SLIT2: variants seen among roughly 807,000 people sequenced by gnomAD.
The protein encoded by SLIT2 is slit guidance ligand 2.
A neutral mutation model predicts 185.7 loss-of-function variants in SLIT2; 41 were observed. The ratio of observed to expected loss-of-function variants is 0.22; its 90% CI spans 0.17 to 0.29. SLIT2 has a LOEUF of 0.29. SLIT2 is among the 10% of genes least tolerant of loss of function. The probability of loss-of-function intolerance (pLI) is 1.00; values close to 1 mark genes in which losing one functional copy is unlikely to be tolerated. For missense variants in SLIT2, 1,571 were observed against 1,909.0 expected (o/e 0.82, Z 3.30); for synonymous variants, 693 against 680.2 (o/e 1.02, Z -0.29).
chr4:20,379,654 A>G (rs1007284005), intron 4 of SLIT2, among the ~76,000 whole-genome samples: 2 of 152,200 alleles, frequency 1.3e-5, no homozygotes, highest in African/African-American at 2.4e-5. Context: ...CAGCTGCATT[A>G]GAATGACAGG....
chr4:20,382,026 G>A (rs1282034665), intron 4 of SLIT2, among the ~76,000 whole-genome samples: 1 of 151,860 alleles, frequency 6.6e-6, no homozygotes, highest in African/African-American at 2.4e-5. Context: ...AATAAAAAAT[G>A]TGATACATCA....
At chr4:20,449,754 A>G (rs1488349399) in intron 4 of SLIT2, among the ~76,000 whole-genome samples, 1 of 152,182 alleles carries the variant, frequency 6.6e-6, no homozygotes, top group African/African-American at 2.4e-5. Context: ...ATAGAACATC[A>G]ACAGTATAAG....
intron 4 of SLIT2, among the ~76,000 whole-genome samples, chr4:20,395,522 T>G (rs1725820443): frequency 6.6e-6 from 1 of 151,984 alleles, no homozygotes; most frequent in African/African-American, 2.4e-5. Flanking sequence ...TTTTGAAGAG[T>G]GTTCCAGCAA....
Position 20,480,800 on chromosome 4 carries a change from AT to A in SLIT2, c.539+16del. 1 of 1,595,778 alleles carries A rather than the reference AT, an allele frequency of 6.3e-7. No individual in the cohort carries two copies. The highest frequency in any genetic ancestry group is 8.6e-7 in the Non-Finnish European group (1 of 1,163,288). On this transcript the variant is annotated intron_variant, in intron 6 of 36. Coordinates refer to ENST00000504154, the MANE Select transcript of SLIT2 (RefSeq NM_004787.4). ...ACCTGGAAGTGCTGTAAGTACTGCT[AT>A]TTCTCTTGCTCTTTTAACGGGGGCT...
intron 4 of SLIT2, among the ~76,000 whole-genome samples, chr4:20,376,285 G>T (rs942689252): frequency 2.0e-4 from 31 of 151,708 alleles, no homozygotes; most frequent in Admixed American, 2.6e-4. Flanking sequence ...AATGAAAAAG[G>T]CAAATGACAT....
chr4:20,388,718 G>A (rs1340732882), intron 4 of SLIT2, among the ~76,000 whole-genome samples: 2 of 150,220 alleles, frequency 1.3e-5, no homozygotes, highest in Non-Finnish European at 3.0e-5. Flanking sequence ...AGGTTGCACT[G>A]AGTGGAGATC....
intron 5 of SLIT2, among the ~76,000 whole-genome samples, chr4:20,468,282 A>T (rs1320961495): frequency 6.6e-6 from 1 of 152,090 alleles, no homozygotes; most frequent in African/African-American, 2.4e-5. Context: ...GAAATAGTAG[A>T]TAATATTTTC....
chr4:20,511,483 G>T (rs888286417), intron 11 of SLIT2, among the ~76,000 whole-genome samples: 1 of 141,902 alleles, frequency 7.0e-6, no homozygotes, highest in Non-Finnish European at 1.5e-5. Context: ...GTGCAGTGGC[G>T]CCATCTCGGC....
intron 4 of SLIT2, among the ~76,000 whole-genome samples, chr4:20,455,305 G>C (rs938971388): frequency 1.3e-5 from 2 of 152,120 alleles, no homozygotes; most frequent in Non-Finnish European, 1.5e-5. Flanking sequence ...CTAATGTCTA[G>C]AGGTGAACCA....
chr4:20,548,517 T>C lies in SLIT2; in HGVS notation c.2375T>C (p.Leu792Pro). ...IDLSNNRIST[L>P]SNQSFSNMTQ... ...TTAAGTAACAACAGAATAAGCACGC[T>C]TTCTAATCAGAGCTTCAGCAACATG... The change falls in exon 23 of 37, where the codon CTT becomes CCT. Residue 792 changes from leucine (L) to proline (P), a missense_variant. By Grantham distance (98) the Leu-to-Pro change is moderately conservative. Coordinates refer to ENST00000504154, the MANE Select transcript of SLIT2 (RefSeq NM_004787.4). The C allele has an allele frequency of 6.2e-7, 1 of 1,607,138 alleles. No individual in the cohort carries two copies. The highest frequency in any genetic ancestry group is 2.2e-5 in the East Asian group (1 of 44,830).
At chr4:20,415,663 G>A (rs543097754) in intron 4 of SLIT2, among the ~76,000 whole-genome samples, 1 of 151,960 alleles carries the variant, frequency 6.6e-6, no homozygotes, top group Non-Finnish European at 1.5e-5. Flanking sequence ...AAAGTTCCAG[G>A]TTGCTTTACT....
chr4:20,456,051 C>T (rs1034997255), intron 4 of SLIT2, among the ~76,000 whole-genome samples: 4 of 152,064 alleles, frequency 2.6e-5, no homozygotes, highest in African/African-American at 9.7e-5. Context: ...TGAGTATATA[C>T]ATCGACATGA....
rs191678302 is a variant in SLIT2, at chr4:20,494,061, G to A, written c.914+2162G>A. On this transcript the variant is annotated intron_variant, in intron 9 of 36. Coordinates refer to ENST00000504154, the MANE Select transcript of SLIT2 (RefSeq NM_004787.4). ...ATATAAGGATCTTGGATTTTATTTG[G>A]AATGCATTTGAGCATAGGAGTTTTA... 1.8e-4 allele frequency among the ~76,000 whole-genome samples: 27 copies of A among 152,316 alleles called. No homozygotes were observed. The East Asian group carries it at 5.2e-3, about 29-fold the overall frequency.
At chr4:20,478,923 C>G (rs971121448) in intron 5 of SLIT2, among the ~76,000 whole-genome samples, 1 of 152,230 alleles carries the variant, frequency 6.6e-6, no homozygotes, top group African/African-American at 2.4e-5. Context: ...TTTCTTGGAA[C>G]CACAGCAGCC....
intron 4 of SLIT2, among the ~76,000 whole-genome samples, chr4:20,333,892 A>G (rs1307792468): frequency 1.3e-5 from 2 of 152,304 alleles, no homozygotes; most frequent in South Asian, 2.1e-4. Flanking sequence ...ATGTTTGTCA[A>G]TTGCATTTGC....
At chr4:20,556,295 CCTT>C (rs1264420644) in intron 26 of SLIT2, among the ~76,000 whole-genome samples, 1 of 151,880 alleles carries the variant, frequency 6.6e-6, no homozygotes, top group Non-Finnish European at 1.5e-5. Flanking sequence ...TGGCATAAAA[CCTT>C]CTACTCAGCA....
intron 4 of SLIT2, among the ~76,000 whole-genome samples, chr4:20,417,792 A>G: frequency 6.6e-6 from 1 of 151,724 alleles, no homozygotes. Context: ...TGCTGGGATT[A>G]CAGCCTGCTT....
chr4:20,578,947 A>T (rs1726295435), intron 29 of SLIT2, among the ~76,000 whole-genome samples: 2 of 152,148 alleles, frequency 1.3e-5, no homozygotes, highest in African/African-American at 4.8e-5. Context: ...AGGACTAAAT[A>T]AGCCTAGATG....
At chr4:20,446,512 G>A (rs1711819005) in intron 4 of SLIT2, among the ~76,000 whole-genome samples, 1 of 152,130 alleles carries the variant, frequency 6.6e-6, no homozygotes, top group Non-Finnish European at 1.5e-5. Flanking sequence ...GCCAAGAAAA[G>A]CCAAAAATCA....
Sources: allele counts gnomAD v4.1 joint callset (sites outside exome capture counted in the v4.1 genomes callset), GRCh38; gene constraint gnomAD v4.1.1; transcripts MANE v1.5; gene names NCBI Gene and HGNC (gene_info 2026-07-23, HGNC 2026-07-21).